GPC6: variants seen among roughly 807,000 people sequenced by gnomAD.
The protein encoded by GPC6 is glypican 6.
GPC6 carries 14 observed loss-of-function variants against 55.2 expected under a neutral mutation model. The ratio of observed to expected loss-of-function variants is 0.25; its 90% CI spans 0.17 to 0.40. The LOEUF (loss-of-function observed/expected upper bound fraction) is 0.40. GPC6 is among the 10% of genes least tolerant of loss of function. GPC6 has a pLI of 1.00. For synonymous variants in GPC6, 278 were observed against 259.6 expected (o/e 1.07, Z -0.68); for missense variants, 641 against 708.5 (o/e 0.90, Z 1.08).
chr13:93,946,155 T>C (rs1033578624), intron 3 of GPC6, among the ~76,000 whole-genome samples: 5 of 152,212 alleles, frequency 3.3e-5, no homozygotes, highest in African/African-American at 4.8e-5. Context: ...TTAATGAACA[T>C]GAAGTTGGGA....
intron 3 of GPC6, chr13:93,830,821 G>T: frequency 2.6e-6 from 1 of 379,744 alleles, no homozygotes. Flanking sequence ...AGTACCAATG[G>T]TGCAAAAGCA....
At chr13:94,339,751 C>CCTTTTTTT (rs1877925433) in intron 6 of GPC6, among the ~76,000 whole-genome samples, 1 of 63,794 alleles carries the variant, frequency 1.6e-5, no homozygotes, top group Non-Finnish European at 2.9e-5. Context: ...GCATACTTTC[C>CCTTTTTTT]TTTTTTTTTT....
At chr13:94,309,816 G>T (rs774504481) in intron 6 of GPC6, among the ~76,000 whole-genome samples, 2 of 151,732 alleles carry the variant, frequency 1.3e-5, no homozygotes, top group Admixed American at 1.3e-4. Context: ...CTACCATCAC[G>T]TTGCTTTCTT....
chr13:94,132,431 G>A (rs1887033875), intron 4 of GPC6, among the ~76,000 whole-genome samples: 1 of 152,048 alleles, frequency 6.6e-6, no homozygotes, highest in Admixed American at 6.6e-5. Flanking sequence ...GGACCCTTCT[G>A]ACCCCTGACC....
chr13:94,241,967 G>A (rs907595243), intron 4 of GPC6, among the ~76,000 whole-genome samples: 21 of 151,228 alleles, frequency 1.4e-4, no homozygotes, highest in Non-Finnish European at 1.2e-4. Context: ...TGTGCACAAC[G>A]TGCAGGTTTG....
At chr13:93,722,612 C>G (rs1319930489) in intron 2 of GPC6, among the ~76,000 whole-genome samples, 2 of 151,758 alleles carry the variant, frequency 1.3e-5, no homozygotes, top group Non-Finnish European at 2.9e-5. Flanking sequence ...TGTTACTTTG[C>G]TTTCTGACTT....
intron 2 of GPC6, among the ~76,000 whole-genome samples, chr13:93,550,899 A>C (rs905290351): frequency 3.9e-5 from 6 of 152,134 alleles, no homozygotes; most frequent in Non-Finnish European, 7.4e-5. Flanking sequence ...ATAATGACTA[A>C]AATTTGGTCA....
At chr13:94,148,769 G>C (rs61962344) in intron 4 of GPC6, among the ~76,000 whole-genome samples, 26,048 of 152,102 alleles carry the variant, frequency 0.17, 2,735 homozygotes, top group Non-Finnish European at 0.24. Flanking sequence ...TAGAGGAGAG[G>C]TTAAGAGAAC....
intron 1 of GPC6, among the ~76,000 whole-genome samples, chr13:93,478,281 T>G (rs1879376281): frequency 6.6e-6 from 1 of 152,214 alleles, no homozygotes; most frequent in Non-Finnish European, 1.5e-5. Context: ...TTTTCTTCAG[T>G]TCTTCTCTTT....
chr13:93,370,740 C>T (rs1881418562), intron 1 of GPC6, among the ~76,000 whole-genome samples: 1 of 152,100 alleles, frequency 6.6e-6, no homozygotes, highest in Non-Finnish European at 1.5e-5. Flanking sequence ...AATAGTCAAA[C>T]CTGGTTAACT....
At chr13:93,281,640 CCTGT>C (rs1312119340) in intron 1 of GPC6, among the ~76,000 whole-genome samples, 4 of 152,050 alleles carry the variant, frequency 2.6e-5, no homozygotes, top group Non-Finnish European at 5.9e-5. Context: ...CTGGTGAAAC[CCTGT>C]CTGTGCCAAA....
chr13:93,784,848 G>C (rs1193984489), intron 2 of GPC6, among the ~76,000 whole-genome samples: 2 of 152,194 alleles, frequency 1.3e-5, no homozygotes, highest in Non-Finnish European at 2.9e-5. Context: ...CTGAGACACA[G>C]ATTGTGTCTA....
intron 4 of GPC6, among the ~76,000 whole-genome samples, chr13:94,089,913 C>T (rs997657161): frequency 2.0e-5 from 3 of 152,086 alleles, no homozygotes; most frequent in Admixed American, 6.6e-5. Context: ...AGAGACCACA[C>T]GTTAGGTATA....
intron 2 of GPC6, among the ~76,000 whole-genome samples, chr13:93,660,624 A>T (rs867618154): frequency 7.9e-5 from 12 of 152,210 alleles, no homozygotes; most frequent in African/African-American, 2.7e-4. Context: ...TAGTCTTTGC[A>T]TACAATTTAC....
intron 1 of GPC6, among the ~76,000 whole-genome samples, chr13:93,328,499 C>A (rs1183240136): frequency 2.6e-5 from 4 of 151,832 alleles, no homozygotes; most frequent in African/African-American, 9.7e-5. Flanking sequence ...CATGGCAAAA[C>A]CCTGTCTCTA....
At chr13:93,547,796 A>G (rs1397443276) in intron 2 of GPC6, among the ~76,000 whole-genome samples, 1 of 150,414 alleles carries the variant, frequency 6.6e-6, no homozygotes, top group Non-Finnish European at 1.5e-5. Context: ...TAATAATAAT[A>G]ATAATAATCA....
At chr13:94,324,434 A>T (rs1344242370) in intron 6 of GPC6, among the ~76,000 whole-genome samples, 6 of 152,184 alleles carry the variant, frequency 3.9e-5, no homozygotes, top group African/African-American at 1.4e-4. Flanking sequence ...AGCCTTTTTA[A>T]AAAAACTCCC....
At chr13:94,066,108 G>C (rs1325779725) in intron 4 of GPC6, among the ~76,000 whole-genome samples, 1 of 152,094 alleles carries the variant, frequency 6.6e-6, no homozygotes, top group Non-Finnish European at 1.5e-5. Flanking sequence ...AAAATAGACA[G>C]TATAAATTAA....
At chr13:93,387,993 T>C (rs547370434) in intron 1 of GPC6, among the ~76,000 whole-genome samples, 1 of 152,314 alleles carries the variant, frequency 6.6e-6, no homozygotes, top group African/African-American at 2.4e-5. Flanking sequence ...GATCATCCTG[T>C]ATATCTCTTT....
Sources: gnomAD v4.1 joint callset for allele counts (sites outside exome capture counted in the v4.1 genomes callset) on GRCh38, gnomAD v4.1.1 for gene constraint, MANE v1.5 for transcripts, NCBI Gene and HGNC (gene_info 2026-07-23, HGNC 2026-07-21) for gene names.